Variants in CCDC146 observed in about 807,000 individuals in gnomAD.
The protein encoded by CCDC146 is coiled-coil domain-containing protein 146.
CCDC146 carries 92 observed loss-of-function variants against 119.3 expected under a neutral mutation model. The ratio of observed to expected loss-of-function variants is 0.77; its 90% CI spans 0.65 to 0.92. The LOEUF is 0.92. Among genes scored for constraint, CCDC146 ranks in the 40% least tolerant of loss-of-function variants. The pLI is 0.00. For synonymous variants in CCDC146, 372 were observed against 371.8 expected (o/e 1.00, Z -0.01); for missense variants, 1,000 against 1,103.0 (o/e 0.91, Z 1.32).
chr7:77,139,267 A>G (rs1002226866), intron 1 of CCDC146, among the ~76,000 whole-genome samples: 2 of 152,228 alleles, frequency 1.3e-5, no homozygotes, highest in African/African-American at 4.8e-5. Flanking sequence ...TGAAAAGTCT[A>G]CATACTGCAT....
chr7:77,164,936 T>G (rs1223103866), intron 1 of CCDC146, among the ~76,000 whole-genome samples: 2 of 152,164 alleles, frequency 1.3e-5, no homozygotes, highest in Non-Finnish European at 2.9e-5. Context: ...GATCAGACCT[T>G]AAAAGCATGA....
At chr7:77,267,525 CTTTT>C (rs74781634) in intron 9 of CCDC146, among the ~76,000 whole-genome samples, 2 of 149,690 alleles carry the variant, frequency 1.3e-5, no homozygotes, top group South Asian at 2.1e-4. Context: ...TAGACTTGAT[CTTTT>C]TTTTTTTTTT....
chr7:77,171,457 A>G (rs1429748609), intron 2 of CCDC146, among the ~76,000 whole-genome samples: 2 of 152,206 alleles, frequency 1.3e-5, no homozygotes, highest in African/African-American at 4.8e-5. Flanking sequence ...TAATACCCAT[A>G]TACCTTAATA....
At chr7:77,130,206 T>C (rs552819024) in intron 1 of CCDC146, among the ~76,000 whole-genome samples, 1 of 152,222 alleles carries the variant, frequency 6.6e-6, no homozygotes, top group East Asian at 1.9e-4. Context: ...CATCTCAAAC[T>C]GCAAAAGTTA....
intron 4 of CCDC146, among the ~76,000 whole-genome samples, chr7:77,245,586 G>T (rs970540551): frequency 3.9e-5 from 6 of 152,204 alleles, no homozygotes; most frequent in African/African-American, 1.4e-4. Context: ...GTGCAGGGCT[G>T]TCCTGACGTG....
chr7:77,132,787 A>C (rs982298619), intron 1 of CCDC146, among the ~76,000 whole-genome samples: 2 of 152,166 alleles, frequency 1.3e-5, no homozygotes, highest in African/African-American at 4.8e-5. Flanking sequence ...AATAAAATTA[A>C]GCAGTGTAAT....
At chr7:77,266,468 G>C (rs903607091) in intron 9 of CCDC146, among the ~76,000 whole-genome samples, 9 of 152,052 alleles carry the variant, frequency 5.9e-5, no homozygotes, top group Non-Finnish European at 1.0e-4. Flanking sequence ...CTTTGAATTG[G>C]GATTATTGCA....
At chr7:77,147,039 A>G (rs1426399776) in intron 1 of CCDC146, among the ~76,000 whole-genome samples, 1 of 152,134 alleles carries the variant, frequency 6.6e-6, no homozygotes, top group Non-Finnish European at 1.5e-5. Flanking sequence ...CGTCACTTTA[A>G]GCTACACCAA....
intron 2 of CCDC146, among the ~76,000 whole-genome samples, chr7:77,186,465 G>A (rs954991496): frequency 6.6e-6 from 1 of 152,048 alleles, no homozygotes; most frequent in Non-Finnish European, 1.5e-5. Flanking sequence ...GAAATAGCAA[G>A]TAGAAGGATG....
At chr7:77,181,050 CA>C (rs1791579655) in intron 2 of CCDC146, among the ~76,000 whole-genome samples, 1 of 152,094 alleles carries the variant, frequency 6.6e-6, no homozygotes, top group African/African-American at 2.4e-5. Context: ...ATACACAGAT[CA>C]GGGGATAATT....
chr7:77,187,254 T>A (rs1233564379), intron 2 of CCDC146, among the ~76,000 whole-genome samples: 1 of 152,060 alleles, frequency 6.6e-6, no homozygotes, highest in Non-Finnish European at 1.5e-5. Flanking sequence ...AAGGACTGAG[T>A]AGAGGTTACT....
intron 1 of CCDC146, among the ~76,000 whole-genome samples, chr7:77,159,980 T>C (rs1157748722): frequency 1.3e-5 from 2 of 152,374 alleles, no homozygotes; most frequent in African/African-American, 2.4e-5. Flanking sequence ...TTCAGCTTTC[T>C]ACATATGGCT....
At chr7:77,219,740 T>G (rs908541561) in intron 2 of CCDC146, among the ~76,000 whole-genome samples, 1 of 152,088 alleles carries the variant, frequency 6.6e-6, no homozygotes, top group East Asian at 1.9e-4. Context: ...AGAAAGAAAT[T>G]TTACAGTTGG....
intron 18 of CCDC146, 116 bp from the exon 19 acceptor site, chr7:77,294,547 G>T (rs938263656): frequency 1.1e-5 from 9 of 829,838 alleles, no homozygotes; most frequent in Non-Finnish European, 1.5e-5. Context: ...CCTTTGGGGA[G>T]TATCAGCTAG....
chr7:77,190,817 G>A (rs1222730644), intron 2 of CCDC146, among the ~76,000 whole-genome samples: 2 of 152,264 alleles, frequency 1.3e-5, no homozygotes, highest in African/African-American at 4.8e-5. Context: ...AGAGGGACAG[G>A]ATTGAAATTG....
At chr7:77,240,865 G>C (rs915445525) in intron 3 of CCDC146, among the ~76,000 whole-genome samples, 1 of 151,604 alleles carries the variant, frequency 6.6e-6, no homozygotes, top group African/African-American at 2.4e-5. Flanking sequence ...TTTTGTTCCA[G>C]GACCCAATGC....
At chr7:77,195,058 C>A (rs1254701100) in intron 2 of CCDC146, 2 of 152,006 alleles carry the variant, frequency 1.3e-5, no homozygotes, top group African/African-American at 4.8e-5. Flanking sequence ...AGAAACTTAG[C>A]CTTCTATGAA....
At chr7:77,247,195 C>T (rs3108413) in intron 4 of CCDC146, among the ~76,000 whole-genome samples, 101,636 of 151,850 alleles carry the variant, frequency 0.67, 38,234 homozygotes, top group Non-Finnish European at 0.86. Flanking sequence ...TCAGTATTTC[C>T]TAATAAAAAA....
intron 2 of CCDC146, among the ~76,000 whole-genome samples, chr7:77,209,137 C>T (rs768307967): frequency 2.6e-5 from 4 of 152,178 alleles, no homozygotes; most frequent in Non-Finnish European, 5.9e-5. Context: ...AGTCCAAATT[C>T]AAAGACCCAT....
Sources: gnomAD v4.1 joint callset for allele counts (sites outside exome capture counted in the v4.1 genomes callset) on GRCh38, gnomAD v4.1.1 for gene constraint, MANE v1.5 for transcripts, NCBI Gene and HGNC (gene_info 2026-07-23, HGNC 2026-07-21) for gene names.